KCNQ5: variants seen among roughly 807,000 people sequenced by gnomAD.
KCNQ5 encodes potassium voltage-gated channel subfamily Q member 5, also known as potassium voltage-gated channel subfamily KQT member 5.
In KCNQ5, 30 loss-of-function variants were observed where a neutral mutation model predicts 98.2. The observed-to-expected ratio is 0.31, with a 90% CI of 0.23 to 0.41. The LOEUF (loss-of-function observed/expected upper bound fraction) is 0.41, where lower values mean the gene tolerates loss of function less well. Among genes scored for constraint, KCNQ5 ranks in the 10% least tolerant of loss-of-function variants. The probability of loss-of-function intolerance (pLI) is 1.00; values close to 1 mark genes in which losing one functional copy is unlikely to be tolerated. For synonymous variants in KCNQ5, 458 were observed against 449.4 expected (o/e 1.02, Z -0.24); for missense variants, 835 against 1,182.5 (o/e 0.71, Z 4.31).
intron 10 of KCNQ5, among the ~76,000 whole-genome samples, chr6:73,138,887 C>T (rs1388826388): frequency 6.6e-6 from 1 of 152,210 alleles, no homozygotes; most frequent in Non-Finnish European, 1.5e-5. Context: ...GTTCCTTTCT[C>T]CTCTCAGCCA....
chr6:72,711,854 C>T (rs1039820410), intron 1 of KCNQ5, among the ~76,000 whole-genome samples: 3 of 152,184 alleles, frequency 2.0e-5, no homozygotes, highest in Non-Finnish European at 2.9e-5. Context: ...ACACTGGACT[C>T]ACAATTTTAT....
chr6:72,972,557 A>G (rs972431482), intron 1 of KCNQ5, among the ~76,000 whole-genome samples: 2 of 151,540 alleles, frequency 1.3e-5, no homozygotes, highest in African/African-American at 4.9e-5. Flanking sequence ...TGTGTTCTCA[A>G]TGTTCAACTC....
chr6:73,036,084 A>G (rs921752820), intron 2 of KCNQ5, among the ~76,000 whole-genome samples: 3 of 151,486 alleles, frequency 2.0e-5, no homozygotes, highest in South Asian at 2.1e-4. Context: ...TAAAACAACA[A>G]TCAAGATATT....
intron 1 of KCNQ5, among the ~76,000 whole-genome samples, chr6:72,838,831 T>TCCCA (rs1374997588): frequency 4.0e-5 from 6 of 149,570 alleles, no homozygotes; most frequent in African/African-American, 1.5e-4. Context: ...GCGCCTGTAG[T>TCCCA]CCCAGCTACT....
At chr6:72,852,706 T>C (rs1426189456) in intron 1 of KCNQ5, among the ~76,000 whole-genome samples, 3 of 115,422 alleles carry the variant, frequency 2.6e-5, no homozygotes, top group Non-Finnish European at 3.7e-5. Context: ...ATGTATACTT[T>C]ACCTCAATAA....
chr6:72,941,691 TC>T (rs1766315803), intron 1 of KCNQ5, among the ~76,000 whole-genome samples: 3 of 418 alleles, frequency 7.2e-3, no homozygotes, highest in East Asian at 0.17. Context: ...TTTCTTTCTT[TC>T]TTTCTTTCTT....
intron 1 of KCNQ5, among the ~76,000 whole-genome samples, chr6:72,982,873 C>A (rs1768540880): frequency 6.6e-6 from 1 of 152,136 alleles, no homozygotes; most frequent in Admixed American, 6.6e-5. Context: ...CTGGTGGTAA[C>A]AAAATCTCTC....
chr6:73,045,036 T>G (rs1268041873), intron 3 of KCNQ5, among the ~76,000 whole-genome samples: 1 of 152,168 alleles, frequency 6.6e-6, no homozygotes. Flanking sequence ...GCTAGAGTGG[T>G]CAGCTAACAA....
intron 3 of KCNQ5, among the ~76,000 whole-genome samples, chr6:73,064,294 G>A (rs1226999005): frequency 6.6e-6 from 1 of 152,022 alleles, no homozygotes; most frequent in African/African-American, 2.4e-5. Flanking sequence ...AGTTTCAGAG[G>A]GTCCATATCA....
At chr6:72,941,444 CTT>C (rs1766262509) in intron 1 of KCNQ5, among the ~76,000 whole-genome samples, 1 of 121,060 alleles carries the variant, frequency 8.3e-6, no homozygotes, top group Admixed American at 8.4e-5. Context: ...CCCTCCCTCT[CTT>C]CATTCCTTCC....
chr6:72,885,685 G>A (rs1778820029), intron 1 of KCNQ5, among the ~76,000 whole-genome samples: 1 of 152,298 alleles, frequency 6.6e-6, no homozygotes, highest in Admixed American at 6.5e-5. Context: ...AGAGAAAATA[G>A]TTGACATCTG....
intron 1 of KCNQ5, among the ~76,000 whole-genome samples, chr6:72,698,660 T>TTA: frequency 7.0e-6 from 1 of 143,578 alleles, no homozygotes; most frequent in Admixed American, 6.9e-5. Flanking sequence ...TTTTTTTTTT[T>TTA]TTTTTTTTTT....
chr6:73,006,548 G>A (rs1337645610), intron 2 of KCNQ5, among the ~76,000 whole-genome samples: 1 of 152,110 alleles, frequency 6.6e-6, no homozygotes, highest in Non-Finnish European at 1.5e-5. Context: ...AGCTATTTGT[G>A]AGGCTGAGGC....
chr6:73,067,884 ATATATATATATATATATAT>A (rs1773127296), intron 3 of KCNQ5, among the ~76,000 whole-genome samples: 2 of 56,594 alleles, frequency 3.5e-5, no homozygotes, highest in Non-Finnish European at 1.7e-4. Flanking sequence ...ATATATATAT[ATATATATATATATATATAT>A]ATAACTAAAA....
At chr6:72,719,617 C>G (rs1374480597) in intron 1 of KCNQ5, among the ~76,000 whole-genome samples, 2 of 152,170 alleles carry the variant, frequency 1.3e-5, no homozygotes, top group African/African-American at 4.8e-5. Flanking sequence ...GGGCCTCTTG[C>G]TTAGAGATAC....
chr6:72,717,901 CA>C (rs1480347830), intron 1 of KCNQ5, among the ~76,000 whole-genome samples: 1 of 152,164 alleles, frequency 6.6e-6, no homozygotes, highest in Non-Finnish European at 1.5e-5. Context: ...AATATTCACT[CA>C]GCTTTTACGG....
chr6:73,139,560 C>T (rs759973049), intron 10 of KCNQ5, among the ~76,000 whole-genome samples: 11 of 152,082 alleles, frequency 7.2e-5, no homozygotes, highest in South Asian at 2.1e-4. Flanking sequence ...TCTAAATGTC[C>T]GGGCTTTTAA....
chr6:72,963,811 C>T (rs1383632204), intron 1 of KCNQ5, among the ~76,000 whole-genome samples: 1 of 152,112 alleles, frequency 6.6e-6, no homozygotes, highest in Non-Finnish European at 1.5e-5. Flanking sequence ...CACAGGCGCA[C>T]ACCACCACAT....
rs868841458 is a variant in KCNQ5, at chr6:73,196,311, G to C, written c.*897G>C. On this transcript the variant is annotated 3_prime_UTR_variant, in exon 14 of 14. Coordinates refer to ENST00000370398, the MANE Select transcript of KCNQ5 (RefSeq NM_019842.4). ...AAGTGTGAGAAGCTATTCTCATTTC[G>C]CTGACATACAGGTAGGACTATGGGG... The C allele has an allele frequency of 6.6e-6, 1 of 152,182 alleles. No homozygotes were observed. Among genetic ancestry groups the C allele is most frequent in the African/African-American group, 2.4e-5 (1 of 41,438 alleles). 9.4% of individuals were successfully genotyped at this position (152,182 alleles called of 1,614,324 possible). A position where few individuals can be genotyped will look rare whatever the true frequency, so the allele number is the denominator to read the frequency against.
Sources: allele counts gnomAD v4.1 joint callset (sites outside exome capture counted in the v4.1 genomes callset), GRCh38; gene constraint gnomAD v4.1.1; transcripts MANE v1.5; gene names NCBI Gene and HGNC (gene_info 2026-07-23, HGNC 2026-07-21).